The following GABRA1 variants were observed in gnomAD, a reference collection of about 807,000 sequenced individuals.
GABRA1 encodes gamma-aminobutyric acid receptor subunit alpha-1.
In GABRA1, 9 loss-of-function variants were observed where a neutral mutation model predicts 48.9. The ratio of observed to expected loss-of-function variants is 0.18; its 90% CI spans 0.11 to 0.32. The LOEUF is 0.32. Among genes scored for constraint, GABRA1 ranks in the 10% least tolerant of loss-of-function variants. The probability of loss-of-function intolerance (pLI) is 1.00; values close to 1 mark genes in which losing one functional copy is unlikely to be tolerated. For missense variants in GABRA1, 285 were observed against 553.8 expected, an observed-to-expected ratio of 0.51 and a Z score of 4.87; for synonymous variants, 210 against 198.7, an observed-to-expected ratio of 1.06 and a Z score of -0.48.
intron 3 of GABRA1, 150 bp from the exon 4 acceptor site, chr5:161,865,571 G>A: frequency 1.4e-6 from 1 of 712,086 alleles, no homozygotes; most frequent in East Asian, 2.6e-5. Context: ...TTATGTGTAA[G>A]CAGTAAATTA....
At position 161,897,382 on chromosome 5, in the gene GABRA1, A is replaced by G; in HGVS notation, c.1331A>G (p.Asn444Ser). 4 of 1,614,136 alleles carry G rather than the reference A, an allele frequency of 2.5e-6. No homozygotes were observed. Among genetic ancestry groups the G allele is most frequent in the Non-Finnish European group, 3.4e-6 (4 of 1,180,000 alleles). The stretch of plus-strand genomic sequence containing the variant: ...TTAGTCTACTGGGCTACGTATTTAA[A>G]CAGAGAGCCTCAGCTAAAAGCCCCC... ...FNLVYWATYL[N>S]REPQLKAPTP... The change falls in exon 10 of 10, where the codon AAC (asparagine) becomes AGC (serine). Residue 444 changes from asparagine to serine, a missense_variant. Physicochemically the swap from Asn to Ser is conservative, Grantham distance 46. Transcript: ENST00000393943.
Position 161,891,012 on chromosome 5 carries a change from G to C in GABRA1, c.818G>C (p.Trp273Ser). ...MTVILSQVSF[W>S]LNRESVPART... ...GTGATTCTCTCACAAGTCTCCTTCT[G>C]GCTCAACAGAGAGTCTGTACCAGCA... is the stretch of plus-strand genomic sequence containing the variant. The change falls in exon 8 of 10, where the codon TGG becomes TCG. Residue 273 changes from tryptophan (W) to serine (S), a missense_variant. By Grantham distance (177) the Trp-to-Ser change is radical. Around this residue, in one of 6 missense-constraint regions of GABRA1, gnomAD observed 14 missense variants for 113.8 expected, o/e 0.12. Transcript: ENST00000393943. The C allele has an allele frequency of 6.2e-7, 1 of 1,613,762 alleles. No homozygotes were observed. Among genetic ancestry groups the C allele is most frequent in the Non-Finnish European group, 8.5e-7 (1 of 1,179,806 alleles).
chr5:161,888,626 T>C (rs1224930617), intron 7 of GABRA1, among the ~76,000 whole-genome samples: 1 of 152,066 alleles, frequency 6.6e-6, no homozygotes, highest in Non-Finnish European at 1.5e-5. Context: ...CAGGCTGCAG[T>C]TGAATGAATT....
At chr5:161,865,644 G>C (rs539428773) in intron 3 of GABRA1, 77 bp from the exon 4 acceptor site, 7 of 1,101,030 alleles carry the variant, frequency 6.4e-6, no homozygotes, top group South Asian at 5.0e-5. Context: ...TTTCCCATTT[G>C]GGTGTCAGTA....
At chr5:161,865,135 C>G (rs987975942) in intron 3 of GABRA1, among the ~76,000 whole-genome samples, 1 of 151,998 alleles carries the variant, frequency 6.6e-6, no homozygotes, top group African/African-American at 2.4e-5. Flanking sequence ...ATTAAGTGAA[C>G]TTTTTCTGTG....
chr5:161,861,265 C>A (rs564912805), intron 3 of GABRA1, among the ~76,000 whole-genome samples: 1 of 151,546 alleles, frequency 6.6e-6, no homozygotes, highest in Non-Finnish European at 1.5e-5. Context: ...TCAGGTACTC[C>A]GTAAATGCAT....
rs3078113 is a variant in GABRA1, at chr5:161,893,048, T to TAAA, written c.856+2000_856+2002dup. Among the ~76,000 whole-genome samples, 1,344 of 141,976 alleles carry TAAA rather than the reference T, an allele frequency of 9.5e-3. 46 individuals are homozygous for TAAA. Among genetic ancestry groups the TAAA allele is most frequent in the Admixed American group, 0.058 (815 of 14,130 alleles). The allele number at this position is 141,976 out of a possible 152,430, so 93.1% of individuals were successfully genotyped here. A position where few individuals can be genotyped will look rare whatever the true frequency, so the allele number is the denominator to read the frequency against. On this transcript the variant is annotated intron_variant, in intron 8 of 9. Transcript: ENST00000393943. ...ATAATAATAATAATAATAATAATAA[T>TAAA]AAAATAAACACAGGACATATTTATG...
chr5:161,894,923 T>C (rs1435003916), intron 8 of GABRA1, among the ~76,000 whole-genome samples: 1 of 151,128 alleles, frequency 6.6e-6, no homozygotes, highest in East Asian at 1.9e-4. Flanking sequence ...AGAAAAAAGA[T>C]TCTAACATTC....
In GABRA1 at chr5:161,882,682, A is replaced by G; in HGVS notation, c.684A>G (p.Gly228=). Residue 228 remains glycine (G), a synonymous_variant, in exon 7 of 10, where the codon GGA becomes GGG. Coordinates refer to ENST00000393943, the MANE Select transcript of GABRA1 (RefSeq NM_001127644.2). ...TTCTTGGACAAACAGTAGACTCTGG[A>G]ATTGTCCAGTCAAGTACAGGTAAGT... ...YDLLGQTVDS[G]IVQSSTGEYV... 1 of 1,613,540 alleles carries G rather than the reference A, an allele frequency of 6.2e-7. No individual in the cohort carries two copies. Among genetic ancestry groups the G allele is most frequent in the African/African-American group, 1.3e-5 (1 of 75,032 alleles).
intron 6 of GABRA1, among the ~76,000 whole-genome samples, chr5:161,878,479 A>G (rs1754462230): frequency 6.6e-6 from 1 of 152,236 alleles, no homozygotes. Flanking sequence ...ATCAGAGAAA[A>G]GAATAGACAA....
intron 1 of GABRA1, 103 bp downstream of exon 1, chr5:161,848,525 A>G (rs889766414): frequency 0.31 from 2,146 of 6,814 alleles, 3 homozygotes; most frequent in Middle Eastern, 0.33. Flanking sequence ...GGGCGGGGGG[A>G]GACGGGGGGA....
chr5:161,884,845 T>G (rs1003513665), intron 7 of GABRA1, among the ~76,000 whole-genome samples: 1 of 152,158 alleles, frequency 6.6e-6, no homozygotes, highest in Admixed American at 6.6e-5. Context: ...TATAACCCTC[T>G]TATGCCTGAG....
At chr5:161,874,615 C>T (rs1040156334) in intron 5 of GABRA1, among the ~76,000 whole-genome samples, 1 of 152,014 alleles carries the variant, frequency 6.6e-6, no homozygotes, top group African/African-American at 2.4e-5. Context: ...CTAAAATTTT[C>T]CTTTGCTAAT....
intron 7 of GABRA1, among the ~76,000 whole-genome samples, chr5:161,890,401 C>T (rs1192361490): frequency 1.3e-5 from 2 of 152,124 alleles, no homozygotes; most frequent in African/African-American, 4.8e-5. Flanking sequence ...TGCTAAATTA[C>T]TCTTCTGATG....
chr5:161,879,527 C>T (rs916496814), intron 6 of GABRA1, among the ~76,000 whole-genome samples: 1 of 152,126 alleles, frequency 6.6e-6, no homozygotes, highest in Non-Finnish European at 1.5e-5. Context: ...TTTTCTTATG[C>T]TGATGTCTCT....
intron 4 of GABRA1, chr5:161,872,367 T>C (rs995416242): frequency 6.6e-6 from 1 of 152,648 alleles, no homozygotes; most frequent in Non-Finnish European, 1.5e-5. Context: ...ATAGATTCCC[T>C]GGCTGTGAAT....
At chr5:161,878,769 A>G (rs1754479718) in intron 6 of GABRA1, among the ~76,000 whole-genome samples, 1 of 152,180 alleles carries the variant, frequency 6.6e-6, no homozygotes, top group South Asian at 2.1e-4. Flanking sequence ...TTTCCAAAAG[A>G]AGAGATTTGG....
upstream of GABRA1, chr5:161,847,705 C>G (rs531309432): frequency 6.6e-6 from 1 of 152,132 alleles, no homozygotes; most frequent in East Asian, 1.9e-4. Context: ...GAGTGCTCTC[C>G]CCACACGTGT....
chr5:161,860,793 G>A (rs1389875598), intron 3 of GABRA1, among the ~76,000 whole-genome samples: 1 of 151,636 alleles, frequency 6.6e-6, no homozygotes, highest in Non-Finnish European at 1.5e-5. Flanking sequence ...AATTAGAAAT[G>A]AAACATTTAC....
Sources: gnomAD v4.1 joint callset for allele counts (sites outside exome capture counted in the v4.1 genomes callset) on GRCh38, gnomAD v4.1.1 for gene constraint, gnomAD v4.1.1 regional missense constraint, MANE v1.5 for transcripts, NCBI Gene and HGNC (gene_info 2026-07-23, HGNC 2026-07-21) for gene names.